Variants in INTS9 observed in about 807,000 individuals in gnomAD.
The protein encoded by INTS9 is integrator complex subunit 9, also known as protein related to CPSF subunits of 74 kDa.
INTS9 carries 55 observed loss-of-function variants against 79.7 expected under a neutral mutation model. That is an observed-to-expected ratio of 0.69 (90% CI 0.56 to 0.86). The LOEUF is 0.86. Ranked by LOEUF, INTS9 falls within the 40% of genes least tolerant of loss-of-function variation. INTS9 has a pLI of 0.00. For missense variants in INTS9, 721 were observed against 831.5 expected (o/e 0.87, Z 1.64); for synonymous variants, 319 against 325.2 (o/e 0.98, Z 0.20).
chr8:28,871,026 T>C (rs528858454), intron 1 of INTS9, among the ~76,000 whole-genome samples: 3 of 152,334 alleles, frequency 2.0e-5, no homozygotes, highest in African/African-American at 7.2e-5. Flanking sequence ...TGCTGGGTTA[T>C]TCACATGCAT....
intron 6 of INTS9, among the ~76,000 whole-genome samples, chr8:28,834,190 G>A (rs557538048): frequency 2.0e-5 from 3 of 152,040 alleles, no homozygotes; most frequent in Non-Finnish European, 2.9e-5. Context: ...TCATGCTCAC[G>A]GATACTGCCT....
chr8:28,870,491 C>T (rs373017133), intron 1 of INTS9, among the ~76,000 whole-genome samples: 2 of 150,364 alleles, frequency 1.3e-5, no homozygotes, highest in Non-Finnish European at 2.9e-5. Flanking sequence ...AAATGGTTAA[C>T]GAAATGGTAA....
intron 11 of INTS9, among the ~76,000 whole-genome samples, chr8:28,785,313 G>C (rs970161021): frequency 3.9e-5 from 6 of 152,136 alleles, no homozygotes; most frequent in Non-Finnish European, 7.4e-5. Flanking sequence ...TTCACCCACT[G>C]GTTTTAGCAC....
At chr8:28,814,938 T>C (rs241154) in intron 6 of INTS9, among the ~76,000 whole-genome samples, 119,061 of 152,182 alleles carry the variant, frequency 0.78, 46,765 homozygotes, top group Non-Finnish European at 0.8. Flanking sequence ...AGTGAACAAG[T>C]CCTACCCATG....
rs1000117850 is a variant in INTS9 at position 28,813,699 on chromosome 8, C to T, written c.489-87G>A. On this transcript the variant is annotated intron_variant, in intron 6 of 16. Coordinates refer to ENST00000521022, the MANE Select transcript of INTS9 (RefSeq NM_018250.4). ...TTTCTAGTAATTTGTCCATTTGATCCAAATGGTTTAATTTACTGGCATATA... is the reference window on the plus strand; with the variant it reads ...TTTCTAGTAATTTGTCCATTTGATCTAAATGGTTTAATTTACTGGCATATA... 11 of 1,433,696 alleles carry T rather than the reference C, an allele frequency of 7.7e-6. No homozygotes were observed. In the Admixed American group the frequency reaches 9.5e-5, roughly 12 times the overall value. The allele number at this position is 1,433,696 out of a possible 1,614,324, so 88.8% of individuals were successfully genotyped here.
At chr8:28,813,778 T>C in intron 6 of INTS9, 166 bp from the exon 7 acceptor site, 5 of 738,766 alleles carry the variant, frequency 6.8e-6, no homozygotes, top group Non-Finnish European at 4.2e-6. Context: ...TTTACTTTTT[T>C]TGAGACAGAG....
At chr8:28,857,542 T>C (rs564575880) in intron 2 of INTS9, among the ~76,000 whole-genome samples, 22 of 152,126 alleles carry the variant, frequency 1.4e-4, no homozygotes, top group African/African-American at 4.6e-4. Flanking sequence ...TAAAAGTGAA[T>C]GATTATAATT....
At chr8:28,828,512 A>G (rs1806280354) in intron 6 of INTS9, among the ~76,000 whole-genome samples, 1 of 152,174 alleles carries the variant, frequency 6.6e-6, no homozygotes, top group Non-Finnish European at 1.5e-5. Context: ...GAGGAAACAG[A>G]GCCTAGAAGA....
At chr8:28,783,601 A>G (rs1354252633) in intron 11 of INTS9, 1 of 152,094 alleles carries the variant, frequency 6.6e-6, no homozygotes, top group Admixed American at 6.6e-5. Context: ...CAGAAGCCAA[A>G]CTCTCTTCAC....
chr8:28,880,270 C>T (rs2131371738), intron 1 of INTS9, among the ~76,000 whole-genome samples: 1 of 142,322 alleles, frequency 7.0e-6, no homozygotes, highest in Middle Eastern at 3.7e-3. Context: ...CCCTCTCCCT[C>T]TCCCTCTCTC....
At chr8:28,829,156 TTATAA>T (rs1806330711) in intron 6 of INTS9, among the ~76,000 whole-genome samples, 1 of 152,220 alleles carries the variant, frequency 6.6e-6, no homozygotes, top group Admixed American at 6.5e-5. Flanking sequence ...ATTTCTAACC[TTATAA>T]AAAATATTAG....
intron 3 of INTS9, among the ~76,000 whole-genome samples, chr8:28,849,747 A>G (rs1807724164): frequency 6.6e-6 from 1 of 152,162 alleles, no homozygotes; most frequent in Non-Finnish European, 1.5e-5. Context: ...TTACCCAAAA[A>G]AGACCCAAGC....
chr8:28,844,284 C>G (rs1712096161), intron 4 of INTS9, among the ~76,000 whole-genome samples: 1 of 152,204 alleles, frequency 6.6e-6, no homozygotes, highest in Non-Finnish European at 1.5e-5. Flanking sequence ...GTGGTTCAAA[C>G]CTGTTCTTCC....
At chr8:28,769,822 G>GGCCATAGTGAGCCAGGGA in intron 16 of INTS9, 67 bp downstream of exon 16, 3 of 1,586,092 alleles carry the variant, frequency 1.9e-6, no homozygotes, top group Admixed American at 1.7e-5. Flanking sequence ...GCAGCCAGGG[G>GGCCATAGTGAGCCAGGGA]GCCATAGTGA....
At chr8:28,784,854 C>T (rs1803488447) in intron 11 of INTS9, among the ~76,000 whole-genome samples, 1 of 152,164 alleles carries the variant, frequency 6.6e-6, no homozygotes, top group African/African-American at 2.4e-5. Context: ...CAGACTTTAC[C>T]AACTGTTATC....
At chr8:28,862,539 A>G (rs1222735058) in intron 1 of INTS9, among the ~76,000 whole-genome samples, 2 of 152,118 alleles carry the variant, frequency 1.3e-5, no homozygotes, top group Non-Finnish European at 2.9e-5. Context: ...CTTTTTCCAT[A>G]CTGGACTATT....
At chr8:28,840,835 A>C (rs2131206653) in intron 4 of INTS9, among the ~76,000 whole-genome samples, 1 of 151,368 alleles carries the variant, frequency 6.6e-6, no homozygotes, top group African/African-American at 2.4e-5. Flanking sequence ...AGATATACCT[A>C]ATGCTAAATG....
At chr8:28,841,833 C>G (rs1295238174) in intron 4 of INTS9, among the ~76,000 whole-genome samples, 1 of 152,132 alleles carries the variant, frequency 6.6e-6, no homozygotes, top group Non-Finnish European at 1.5e-5. Context: ...TGCCTGTAAT[C>G]CTAGCACTTT....
At chr8:28,826,712 G>T (rs1209738067) in intron 6 of INTS9, among the ~76,000 whole-genome samples, 1 of 152,144 alleles carries the variant, frequency 6.6e-6, no homozygotes, top group Non-Finnish European at 1.5e-5. Context: ...GCTTGGAATG[G>T]TCTCTTTTTC....
Sources: allele counts gnomAD v4.1 joint callset (sites outside exome capture counted in the v4.1 genomes callset), GRCh38; gene constraint gnomAD v4.1.1; transcripts MANE v1.5; gene names NCBI Gene and HGNC (gene_info 2026-07-23, HGNC 2026-07-21).